MARCHF3: variants seen among roughly 807,000 people sequenced by gnomAD.
The protein encoded by MARCHF3 is E3 ubiquitin-protein ligase MARCHF3.
In MARCHF3, 13 loss-of-function variants were observed where a neutral mutation model predicts 24.2. The ratio of observed to expected loss-of-function variants is 0.54; its 90% CI spans 0.35 to 0.85. The LOEUF is 0.85. Among genes scored for constraint, MARCHF3 ranks in the 40% least tolerant of loss-of-function variants. The pLI, the probability that MARCHF3 is intolerant of heterozygous loss-of-function variation, is 0.01. For missense variants in MARCHF3, 276 were observed against 325.0 expected, an observed-to-expected ratio of 0.85 and a Z score of 1.16; for synonymous variants, 144 against 137.3, an observed-to-expected ratio of 1.05 and a Z score of -0.34.
intron 1 of MARCHF3, among the ~76,000 whole-genome samples, chr5:127,018,357 C>T (rs901793777): frequency 2.6e-5 from 4 of 150,988 alleles, no homozygotes; most frequent in Non-Finnish European, 4.4e-5. Flanking sequence ...GGTGACAGAG[C>T]GAGACTTCAT....
intron 1 of MARCHF3, among the ~76,000 whole-genome samples, chr5:126,932,798 G>A (rs926738161): frequency 6.6e-6 from 1 of 152,152 alleles, no homozygotes; most frequent in Non-Finnish European, 1.5e-5. Context: ...TCCTCCCCAG[G>A]TTTTCCCAAG....
At chr5:126,964,169 C>A (rs1484366619) in intron 1 of MARCHF3, among the ~76,000 whole-genome samples, 7 of 152,130 alleles carry the variant, frequency 4.6e-5, no homozygotes, top group Non-Finnish European at 8.8e-5. Flanking sequence ...CCTGGCTATG[C>A]CTCATCTATC....
intron 1 of MARCHF3, among the ~76,000 whole-genome samples, chr5:126,955,193 G>A (rs1750399875): frequency 2.0e-5 from 3 of 152,068 alleles, no homozygotes. Flanking sequence ...GAAATGTTCC[G>A]GTGGCTGGGA....
intron 3 of MARCHF3, among the ~76,000 whole-genome samples, chr5:126,897,260 A>C (rs1026266738): frequency 2.6e-5 from 4 of 151,598 alleles, no homozygotes; most frequent in Admixed American, 6.6e-5. Context: ...GCTGGTCTTG[A>C]ACTCCCGACC....
intron 1 of MARCHF3, among the ~76,000 whole-genome samples, chr5:126,997,645 A>G (rs1189176608): frequency 6.6e-6 from 1 of 152,242 alleles, no homozygotes; most frequent in African/African-American, 2.4e-5. Context: ...TAGAAACAGT[A>G]GAATCATCTA....
intron 1 of MARCHF3, among the ~76,000 whole-genome samples, chr5:126,922,369 T>G (rs141821847): frequency 3.9e-5 from 6 of 152,310 alleles, no homozygotes; most frequent in South Asian, 2.1e-4. Context: ...CACCTGGTTG[T>G]TTGTGAGGTC....
rs1299232890 is a variant in MARCHF3, at chr5:126,870,711, A to G, written c.684T>C (p.Ser228=). ...NQRVILLIPK[S]VNVPSNQPSL... is the part of the protein sequence containing the mutation. ...ACGGCTGGTTAGAAGGTACATTGAC[A>G]GACTTTGGAATGAGGAGAATCACCC... Residue 228 remains serine (S), a synonymous_variant, in exon 5 of 5, where the codon TCT becomes TCC. Coordinates refer to ENST00000308660, the MANE Select transcript of MARCHF3 (RefSeq NM_178450.5). 1.2e-6 allele frequency: 2 copies of G among 1,614,234 alleles called. No individual in the cohort carries two copies. Among genetic ancestry groups the G allele is most frequent in the East Asian group, 2.2e-5 (1 of 44,884 alleles).
chr5:126,890,779 T>TTA (rs1753662435), intron 3 of MARCHF3, among the ~76,000 whole-genome samples: 1 of 150,502 alleles, frequency 6.6e-6, no homozygotes, highest in East Asian at 1.9e-4. Context: ...GCAGCATGAT[T>TTA]TATAGTCCTT....
chr5:126,918,908 T>C (rs1749003653), intron 1 of MARCHF3, among the ~76,000 whole-genome samples: 1 of 152,220 alleles, frequency 6.6e-6, no homozygotes, highest in Admixed American at 6.5e-5. Context: ...ATTCATGAAA[T>C]GAGTTTAATG....
intron 1 of MARCHF3, among the ~76,000 whole-genome samples, chr5:126,938,419 CG>C (rs1561437080): frequency 6.6e-6 from 1 of 151,956 alleles, no homozygotes; most frequent in Non-Finnish European, 1.5e-5. Flanking sequence ...CTGCCCACCT[CG>C]GCCTCCCAGA....
chr5:126,882,031 A>G (rs1395471194), intron 3 of MARCHF3, among the ~76,000 whole-genome samples: 2 of 152,184 alleles, frequency 1.3e-5, no homozygotes, highest in African/African-American at 4.8e-5. Context: ...CTAAGTCCTC[A>G]CAACAGTCCT....
At chr5:126,885,256 T>C (rs1561777307) in intron 3 of MARCHF3, among the ~76,000 whole-genome samples, 3 of 152,204 alleles carry the variant, frequency 2.0e-5, no homozygotes, top group South Asian at 4.1e-4. Context: ...CACTGGAACA[T>C]AGTAGATGTT....
In MARCHF3 at chr5:126,918,228, CT is replaced by C. The variant is rs1481302220; in HGVS notation, c.-56-2del. The C allele has an allele frequency of 1.3e-6, 2 of 1,525,860 alleles. No homozygotes were observed. The highest frequency in any genetic ancestry group is 2.8e-5 in the African/African-American group (2 of 72,508). The allele number at this position is 1,525,860 out of a possible 1,614,324, so 94.5% of individuals were successfully genotyped here. On this transcript the variant is annotated splice_acceptor_variant, in intron 1 of 4. Coordinates refer to ENST00000308660, the MANE Select transcript of MARCHF3 (RefSeq NM_178450.5). LOFTEE classifies it low-confidence loss of function (5UTR_SPLICE). The stretch of plus-strand genomic sequence containing the variant: ...TTCCACATTCATACAGGATTTCCAT[CT>C]AAGAGAGATCAGAAAACAGTTTACT...
intron 1 of MARCHF3, among the ~76,000 whole-genome samples, chr5:126,931,570 T>TACAC (rs57567399): frequency 0.018 from 2,551 of 142,856 alleles, 35 homozygotes; most frequent in East Asian, 0.038. Context: ...CATACATGAA[T>TACAC]ACACACACAC....
At chr5:126,979,032 T>C (rs1751299682) in intron 1 of MARCHF3, among the ~76,000 whole-genome samples, 1 of 152,246 alleles carries the variant, frequency 6.6e-6, no homozygotes, top group African/African-American at 2.4e-5. Flanking sequence ...ACCTCTATCA[T>C]ATTTAGATAT....
Position 126,959,764 on chromosome 5 carries a change from G to A in MARCHF3, c.-56-41537C>T, listed in dbSNP as rs1050118266. ...AATAATCACACCTTAAATGATCACG[G>A]CCAATAATTTTTGAATGTTCTTAAA... On this transcript the variant is annotated intron_variant, in intron 1 of 4. Transcript: ENST00000308660. 9.2e-5 allele frequency among the ~76,000 whole-genome samples: 14 copies of A among 152,126 alleles called. No individual in the cohort carries two copies. In the South Asian group the frequency reaches 1.5e-3, roughly 16 times the overall value.
In MARCHF3 at chr5:126,926,082, A is replaced by T. The variant is rs1749287045; in HGVS notation, c.-56-7855T>A. ...TCCAAGTGAAAGCCTATCATGAAGG[A>T]CGTTGATTTGGGATTCATTTCCAAG... On this transcript the variant is annotated intron_variant, in intron 1 of 4. Coordinates refer to ENST00000308660, the MANE Select transcript of MARCHF3 (RefSeq NM_178450.5). Among the ~76,000 whole-genome samples, 5 of 152,160 alleles carry T rather than the reference A, an allele frequency of 3.3e-5. No individual in the cohort carries two copies. In the South Asian group the frequency reaches 1.0e-3, roughly 32 times the overall value.
intron 3 of MARCHF3, 108 bp downstream of exon 3, chr5:126,914,822 C>CTATTACCG (rs1754665158): frequency 1.7e-6 from 1 of 591,658 alleles, no homozygotes; most frequent in Non-Finnish European, 2.8e-6. Flanking sequence ...AGTCACATAG[C>CTATTACCG]TATTACCGTG....
intron 1 of MARCHF3, among the ~76,000 whole-genome samples, chr5:126,940,590 G>C (rs972984961): frequency 1.4e-4 from 22 of 151,930 alleles, no homozygotes; most frequent in Admixed American, 6.6e-5. Flanking sequence ...TGGGATTACA[G>C]GCACCCGCCA....
Sources: gnomAD v4.1 joint callset for allele counts (sites outside exome capture counted in the v4.1 genomes callset) on GRCh38, gnomAD v4.1.1 for gene constraint, MANE v1.5 for transcripts, NCBI Gene and HGNC (gene_info 2026-07-23, HGNC 2026-07-21) for gene names.